ANKIB1: variants seen among roughly 807,000 people sequenced by gnomAD.
ANKIB1 encodes the protein ankyrin repeat and IBR domain containing 1, also known as ankyrin repeat and IBR domain-containing protein 1.
In ANKIB1, 43 loss-of-function variants were observed where a neutral mutation model predicts 122.1. The ratio of observed to expected loss-of-function variants is 0.35; its 90% CI spans 0.28 to 0.45. The LOEUF (loss-of-function observed/expected upper bound fraction) is 0.45. Ranked by LOEUF, ANKIB1 falls within the 20% of genes least tolerant of loss-of-function variation. ANKIB1 has a pLI of 1.00. For missense variants in ANKIB1, 992 were observed against 1,329.5 expected, an observed-to-expected ratio of 0.75 and a Z score of 3.95; for synonymous variants, 390 against 442.0, an observed-to-expected ratio of 0.88 and a Z score of 1.48.
Position 92,400,226 on chromosome 7 carries a change from A to G in ANKIB1, c.*1277A>G, listed in dbSNP as rs1804988041. The G allele has an allele frequency of 6.6e-6, 1 of 152,234 alleles. No individual in the cohort carries two copies. The highest frequency in any genetic ancestry group is 2.1e-4 in the South Asian group (1 of 4,836). The allele number at this position is 152,234 out of a possible 1,614,324, so 9.4% of individuals were successfully genotyped here. On this transcript the variant is annotated 3_prime_UTR_variant, in exon 20 of 20. Transcript: ENST00000265742. ...CTGACATGTGTTTGTTCTACTGCGC[A>G]ATACTCATTTGCTGTGTGATTACTG...
At chr7:92,331,684 T>A (rs959936381) in intron 5 of ANKIB1, among the ~76,000 whole-genome samples, 5 of 152,192 alleles carry the variant, frequency 3.3e-5, no homozygotes, top group Non-Finnish European at 5.9e-5. Context: ...GAAAGTTTTA[T>A]GAGCCACTCC....
At chr7:92,258,786 C>CA (rs1801501997) in intron 1 of ANKIB1, among the ~76,000 whole-genome samples, 1 of 152,072 alleles carries the variant, frequency 6.6e-6, no homozygotes, top group Non-Finnish European at 1.5e-5. Flanking sequence ...TGGGAAAAGA[C>CA]AGAGTGTAGG....
chr7:92,379,795 T>C (rs1804469667), intron 11 of ANKIB1, among the ~76,000 whole-genome samples: 1 of 152,094 alleles, frequency 6.6e-6, no homozygotes, highest in African/African-American at 2.4e-5. Flanking sequence ...GATGGCCAAA[T>C]AGGAACAGCC....
At chr7:92,392,122 C>T (rs560787477) in intron 16 of ANKIB1, 119 bp from the exon 17 acceptor site, 1 of 671,530 alleles carries the variant, frequency 1.5e-6, no homozygotes, top group African/African-American at 1.8e-5. Flanking sequence ...AGTTGATCTA[C>T]TTTAGTTAAG....
At chr7:92,326,941 T>G (rs1252210002) in intron 4 of ANKIB1, among the ~76,000 whole-genome samples, 4 of 152,174 alleles carry the variant, frequency 2.6e-5, no homozygotes, top group African/African-American at 9.7e-5. Context: ...GCCTCCCTAG[T>G]AGCTGAGACT....
chr7:92,309,623 G>C (rs193054217), intron 3 of ANKIB1, among the ~76,000 whole-genome samples: 39 of 151,948 alleles, frequency 2.6e-4, no homozygotes, highest in Admixed American at 2.4e-3. Context: ...GGTAGCAATA[G>C]TGCTCTTAAA....
intron 2 of ANKIB1, among the ~76,000 whole-genome samples, chr7:92,307,136 A>G (rs1043319604): frequency 6.6e-6 from 1 of 151,952 alleles, no homozygotes; most frequent in African/African-American, 2.4e-5. Flanking sequence ...AGCAAGTAGT[A>G]TAAAGATATT....
rs148788224 is a variant in ANKIB1, at chr7:92,268,603, G to A, written c.-91+22084G>A. Among the ~76,000 whole-genome samples the A allele has an allele frequency of 3.2e-3, 481 of 152,168 alleles. 5 individuals are homozygous for A. Among genetic ancestry groups the A allele is most frequent in the African/African-American group, 0.01 (423 of 41,508 alleles). On this transcript the variant is annotated intron_variant, in intron 1 of 19. Coordinates refer to ENST00000265742, the MANE Select transcript of ANKIB1 (RefSeq NM_019004.2). Reference sequence around the variant, plus strand: ...AGCAATCCTCCCACCTCAGGCTCCCGTAGCTGGGATTAGAGGCATGCACCA... The same window carrying A: ...AGCAATCCTCCCACCTCAGGCTCCCATAGCTGGGATTAGAGGCATGCACCA...
intron 11 of ANKIB1, among the ~76,000 whole-genome samples, chr7:92,383,804 G>A (rs2115685121): frequency 6.6e-6 from 1 of 152,248 alleles, no homozygotes; most frequent in East Asian, 1.9e-4. Context: ...GGCAAAAACT[G>A]GAAGCATTCC....
intron 9 of ANKIB1, 37 bp from the exon 10 acceptor site, chr7:92,362,148 A>G (rs772853348): frequency 7.1e-6 from 11 of 1,541,718 alleles, no homozygotes; most frequent in Middle Eastern, 1.7e-4. Context: ...GATGAAGAAT[A>G]TTTTAAAATT....
chr7:92,246,586 A>G (rs1801048752), intron 1 of ANKIB1, 67 bp downstream of exon 1: 2 of 493,738 alleles, frequency 4.1e-6, no homozygotes, highest in Non-Finnish European at 4.0e-6. Flanking sequence ...CTCCGAGTTC[A>G]GAGCTACCTA....
chr7:92,302,039 C>T (rs528687049), intron 2 of ANKIB1, among the ~76,000 whole-genome samples: 19 of 152,038 alleles, frequency 1.2e-4, no homozygotes, highest in Admixed American at 1.2e-3. Flanking sequence ...AGGGTTCAAG[C>T]AGTTCTGCCC....
chr7:92,262,151 CAGT>C (rs1801578577), intron 1 of ANKIB1, among the ~76,000 whole-genome samples: 1 of 152,202 alleles, frequency 6.6e-6, no homozygotes, highest in Non-Finnish European at 1.5e-5. Flanking sequence ...TGGCAACAGA[CAGT>C]AGACATGGGA....
intron 4 of ANKIB1, among the ~76,000 whole-genome samples, chr7:92,327,562 A>G (rs1230974760): frequency 6.6e-6 from 1 of 152,142 alleles, no homozygotes; most frequent in Non-Finnish European, 1.5e-5. Flanking sequence ...TAGTTGTTAT[A>G]CTGTGTTATT....
chr7:92,389,188 A>G (rs1467691128), intron 14 of ANKIB1, among the ~76,000 whole-genome samples: 8 of 152,206 alleles, frequency 5.3e-5, no homozygotes, highest in Non-Finnish European at 1.0e-4. Context: ...AACTTCACAC[A>G]TTTCTCACAT....
At chr7:92,336,076 A>G (rs1803281096) in intron 5 of ANKIB1, among the ~76,000 whole-genome samples, 1 of 152,154 alleles carries the variant, frequency 6.6e-6, no homozygotes, top group South Asian at 2.1e-4. Context: ...CCCATCCCTT[A>G]TGCTATCATT....
At chr7:92,303,305 A>G (rs1197904187) in intron 2 of ANKIB1, among the ~76,000 whole-genome samples, 2 of 152,224 alleles carry the variant, frequency 1.3e-5, no homozygotes, top group African/African-American at 4.8e-5. Flanking sequence ...TAAATGCTCA[A>G]ATGAGCATTT....
Position 92,300,008 on chromosome 7 carries a change from A to G in ANKIB1, c.188+4842A>G, listed in dbSNP as rs1019819331. Among the ~76,000 whole-genome samples, 4 of 152,196 alleles carry G rather than the reference A, an allele frequency of 2.6e-5. No homozygotes were observed. The South Asian group carries it at 6.2e-4, about 24-fold the overall frequency. Reference sequence around the variant, plus strand: ...TTTTTTGTAGAGATGGGATTTCGCCATGTTGGCAGATAGATCTTGAACTCC... The same window carrying G: ...TTTTTTGTAGAGATGGGATTTCGCCGTGTTGGCAGATAGATCTTGAACTCC... On this transcript the variant is annotated intron_variant, in intron 2 of 19. Transcript: ENST00000265742.
At chr7:92,287,663 C>A (rs975738883) in intron 1 of ANKIB1, among the ~76,000 whole-genome samples, 2 of 152,002 alleles carry the variant, frequency 1.3e-5, no homozygotes, top group Admixed American at 6.6e-5. Flanking sequence ...TCTTCTCAAA[C>A]TTCTGTCCAC....
Sources: allele counts gnomAD v4.1 joint callset (sites outside exome capture counted in the v4.1 genomes callset), GRCh38; gene constraint gnomAD v4.1.1; transcripts MANE v1.5; gene names NCBI Gene and HGNC (gene_info 2026-07-23, HGNC 2026-07-21).